SLC39A10: variants seen among roughly 807,000 people sequenced by gnomAD.
SLC39A10 encodes the protein solute carrier family 39 member 10.
A neutral mutation model predicts 65.1 loss-of-function variants in SLC39A10; 13 were observed. The observed-to-expected ratio is 0.20, with a 90% confidence interval of 0.13 to 0.32. The LOEUF is 0.32. Among genes scored for constraint, SLC39A10 ranks in the 10% least tolerant of loss-of-function variants. SLC39A10 has a pLI of 1.00. For missense variants in SLC39A10, 831 were observed against 1,018.4 expected, an observed-to-expected ratio of 0.82 and a Z score of 2.50; for synonymous variants, 321 against 342.2, an observed-to-expected ratio of 0.94 and a Z score of 0.68.
intron 2 of SLC39A10, among the ~76,000 whole-genome samples, chr2:195,626,076 G>A (rs1197225058): frequency 2.2e-4 from 33 of 152,146 alleles, no homozygotes; most frequent in Non-Finnish European, 1.6e-4. Context: ...GAGCCACTGT[G>A]CCTGGCCGGC....
intron 1 of SLC39A10, among the ~76,000 whole-genome samples, chr2:195,659,827 A>G (rs1689313289): frequency 6.6e-6 from 1 of 152,112 alleles, no homozygotes; most frequent in African/African-American, 2.4e-5. Flanking sequence ...TTCTTTCATT[A>G]GTGGTTGAAG....
At chr2:195,641,632 A>T (rs910364949) in intron 2 of SLC39A10, among the ~76,000 whole-genome samples, 1 of 151,596 alleles carries the variant, frequency 6.6e-6, no homozygotes, top group Admixed American at 6.6e-5. Flanking sequence ...GCCAGATTTC[A>T]TGTGCTCAAT....
chr2:195,706,846 C>T lies in SLC39A10; in HGVS notation c.1386+61C>T, dbSNP rs77087805. 1,762 of 1,209,206 alleles carry T rather than the reference C, an allele frequency of 1.5e-3. 24 individuals are homozygous for T. In the African/African-American group the frequency reaches 0.025, roughly 17 times the overall value. The allele number at this position is 1,209,206 out of a possible 1,614,324, so 74.9% of individuals were successfully genotyped here. ...ATAAAAATATTTAAGCTGAAAGGGT[C>T]CTTCATTAGCAAGCTATAGCACAGT... On this transcript the variant is annotated intron_variant, in intron 4 of 9. Transcript: ENST00000359634.
At chr2:195,685,237 A>G (rs1037310510) in intron 3 of SLC39A10, among the ~76,000 whole-genome samples, 29 of 152,152 alleles carry the variant, frequency 1.9e-4, no homozygotes, top group African/African-American at 6.5e-4. Context: ...AATCCCTATG[A>G]CATTGTCTTC....
At chr2:195,635,860 T>G (rs1283580752) in intron 2 of SLC39A10, among the ~76,000 whole-genome samples, 4 of 152,198 alleles carry the variant, frequency 2.6e-5, no homozygotes, top group Non-Finnish European at 5.9e-5. Flanking sequence ...CTGAGATTGG[T>G]GTTGATATTA....
intron 3 of SLC39A10, among the ~76,000 whole-genome samples, chr2:195,705,438 C>T (rs376715927): frequency 9.2e-5 from 14 of 152,138 alleles, no homozygotes; most frequent in African/African-American, 3.1e-4. Flanking sequence ...GTTAACATTA[C>T]TGGATATTGT....
At position 195,680,622 on chromosome 2, in the gene SLC39A10, C is replaced by T; in HGVS notation, c.580C>T (p.His194Tyr). 6.2e-7 allele frequency: 1 copy of T among 1,614,156 alleles called. No homozygotes were observed. Among genetic ancestry groups the T allele is most frequent in the Non-Finnish European group, 8.5e-7 (1 of 1,180,046 alleles). The change falls in exon 2 of 10, where the codon CAC becomes TAC. Residue 194 changes from histidine (H) to tyrosine (Y), a missense_variant. This residue lies in a region of SLC39A10 where 446 missense variants were observed against 499.2 expected (regional missense o/e 0.89). Coordinates refer to ENST00000359634, the MANE Select transcript of SLC39A10 (RefSeq NM_020342.3). ...TCATCATCTTGATCATAACAACACT[C>T]ACCATTTTCATAATGATTCCATTAC... is the stretch of plus-strand genomic sequence containing the variant. ...LHHHLDHNNT[H>Y]HFHNDSITPS...
intron 2 of SLC39A10, among the ~76,000 whole-genome samples, chr2:195,644,262 C>T (rs1001497553): frequency 2.7e-5 from 4 of 150,634 alleles, no homozygotes; most frequent in Non-Finnish European, 4.4e-5. Context: ...TTTGGGAGGC[C>T]GAAGTGGGAG....
intron 2 of SLC39A10, among the ~76,000 whole-genome samples, chr2:195,627,771 A>G (rs529263457): frequency 1.7e-4 from 26 of 152,348 alleles, no homozygotes; most frequent in African/African-American, 6.0e-4. Context: ...CAGGAGCTGC[A>G]TTGAGAATCT....
chr2:195,634,625 G>A (rs566050886), intron 2 of SLC39A10, among the ~76,000 whole-genome samples: 9 of 152,304 alleles, frequency 5.9e-5, no homozygotes, highest in South Asian at 4.1e-4. Context: ...ATATGTATGA[G>A]TAAAGATGCT....
In SLC39A10 at chr2:195,735,263, TG is replaced by T. The variant is rs1692554850; in HGVS notation, c.*225del. ...AGCTTGTGATAAAGAGAGGAGAATA[TG>T]GGACTCCATGAACCAGTGTTGATAT... is the stretch of plus-strand genomic sequence containing the variant. On this transcript the variant is annotated 3_prime_UTR_variant, in exon 10 of 10. Coordinates refer to ENST00000359634, the MANE Select transcript of SLC39A10 (RefSeq NM_020342.3). 4 of 370,816 alleles carry T rather than the reference TG, an allele frequency of 1.1e-5. No homozygotes were observed. The highest frequency in any genetic ancestry group is 1.9e-5 in the Non-Finnish European group (4 of 209,726). The allele number at this position is 370,816 out of a possible 1,614,324, so 23.0% of individuals were successfully genotyped here.
rs75092072 is a variant in SLC39A10, at chr2:195,687,020, C to G, written c.1216+3114C>G. Reference sequence around the variant, plus strand: ...GTCTTCTTGGTAAACAAGTGGGGCTCTCTGGTAAGATGAGTAAAAGGAGAG... The same window carrying G: ...GTCTTCTTGGTAAACAAGTGGGGCTGTCTGGTAAGATGAGTAAAAGGAGAG... On this transcript the variant is annotated intron_variant, in intron 3 of 9. Coordinates refer to ENST00000359634, the MANE Select transcript of SLC39A10 (RefSeq NM_020342.3). Among the ~76,000 whole-genome samples the G allele has an allele frequency of 3.1e-3, 471 of 152,236 alleles. 8 individuals are homozygous for G. Among genetic ancestry groups the G allele is most frequent in the East Asian group, 0.026 (134 of 5,190 alleles).
chr2:195,622,418 AT>A (rs1421304920), intron 2 of SLC39A10, among the ~76,000 whole-genome samples: 1 of 152,114 alleles, frequency 6.6e-6, no homozygotes, highest in African/African-American at 2.4e-5. Context: ...AAAATGAGTG[AT>A]TTAGAATTTA....
intron 2 of SLC39A10, among the ~76,000 whole-genome samples, chr2:195,614,795 T>G (rs1022187444): frequency 3.9e-5 from 6 of 152,208 alleles, no homozygotes; most frequent in African/African-American, 1.4e-4. Context: ...GGCTTAGGAC[T>G]GTTATCCTGG....
chr2:195,729,692 CAT>C (rs1288572970), intron 9 of SLC39A10, among the ~76,000 whole-genome samples: 1 of 152,170 alleles, frequency 6.6e-6, no homozygotes, highest in African/African-American at 2.4e-5. Context: ...CTATAAACCT[CAT>C]ATTACTTCTC....
intron 2 of SLC39A10, among the ~76,000 whole-genome samples, chr2:195,624,461 A>G (rs1419975039): frequency 6.6e-6 from 1 of 151,788 alleles, no homozygotes; most frequent in African/African-American, 2.4e-5. Flanking sequence ...AATAAAAAAT[A>G]ACTTAAAAAA....
intron 1 of SLC39A10, among the ~76,000 whole-genome samples, chr2:195,660,693 G>C (rs1199122632): frequency 6.6e-6 from 1 of 152,102 alleles, no homozygotes; most frequent in Non-Finnish European, 1.5e-5. Flanking sequence ...GGTAGAGATA[G>C]AACAATCACC....
At chr2:195,657,620 C>A (rs1689204395) in intron 1 of SLC39A10, 1 of 985,168 alleles carries the variant, frequency 1.0e-6, no homozygotes, top group Non-Finnish European at 1.2e-6. Flanking sequence ...GTTGGCGGAG[C>A]CTCGCGGGCC....
At chr2:195,653,291 T>C (rs1309961493), upstream of SLC39A10, among the ~76,000 whole-genome samples, 1 of 94,594 alleles carries the variant, frequency 1.1e-5, no homozygotes, top group African/African-American at 4.2e-5. Context: ...CATCTGTGCC[T>C]GAATTTTTTT....
Sources: gnomAD v4.1 joint callset for allele counts (sites outside exome capture counted in the v4.1 genomes callset) on GRCh38, gnomAD v4.1.1 for gene constraint, gnomAD v4.1.1 regional missense constraint, MANE v1.5 for transcripts, NCBI Gene and HGNC (gene_info 2026-07-23, HGNC 2026-07-21) for gene names.